Variants in LRRC28 observed in about 807,000 individuals in gnomAD.
LRRC28 encodes the protein leucine rich repeat containing 28.
Under a neutral mutation model 45.7 loss-of-function variants are expected in LRRC28, and 39 were observed. That is an observed-to-expected ratio of 0.85 (90% CI 0.66 to 1.12). The LOEUF (loss-of-function observed/expected upper bound fraction) is 1.12. LRRC28 is among the 50% of genes most tolerant of loss of function. LRRC28 has a pLI of 0.00. For synonymous variants in LRRC28, 206 were observed against 178.8 expected (o/e 1.15, Z -1.22); for missense variants, 435 against 438.5 (o/e 0.99, Z 0.07).
chr15:99,253,105 T>G (rs1445326428), intron 1 of LRRC28, among the ~76,000 whole-genome samples: 2 of 147,960 alleles, frequency 1.4e-5, no homozygotes, highest in South Asian at 2.2e-4. Context: ...CCAGGGGAAT[T>G]ACTTTGGGAT....
At chr15:99,270,933 C>CT (rs1490446044) in intron 2 of LRRC28, among the ~76,000 whole-genome samples, 2 of 152,106 alleles carry the variant, frequency 1.3e-5, no homozygotes, top group Non-Finnish European at 2.9e-5. Context: ...TGTTACTTTT[C>CT]TTTTTTTGTT....
At chr15:99,257,362 G>T (rs940170247) in intron 2 of LRRC28, among the ~76,000 whole-genome samples, 1 of 152,084 alleles carries the variant, frequency 6.6e-6, no homozygotes, top group Non-Finnish European at 1.5e-5. Flanking sequence ...ACGAGAAGTG[G>T]TATAAGAAAT....
intron 3 of LRRC28, among the ~76,000 whole-genome samples, chr15:99,281,054 G>T (rs752355601): frequency 1.3e-5 from 2 of 151,394 alleles, no homozygotes; most frequent in African/African-American, 4.9e-5. Flanking sequence ...AAGGGACAGG[G>T]TCTTGCTCTG....
At chr15:99,276,539 C>T (rs201816227) in intron 2 of LRRC28, 37 bp from the exon 3 acceptor site, 31 of 1,516,756 alleles carry the variant, frequency 2.0e-5, no homozygotes, top group Non-Finnish European at 2.7e-5. Context: ...AGACATTTTT[C>T]AAAAATAAAA....
At chr15:99,253,187 C>G (rs1371319894) in intron 1 of LRRC28, among the ~76,000 whole-genome samples, 1 of 151,608 alleles carries the variant, frequency 6.6e-6, no homozygotes, top group Non-Finnish European at 1.5e-5. Context: ...GTGGTGCGAT[C>G]TCGGTTTACT....
At chr15:99,361,631 C>G (rs1181365844) in intron 8 of LRRC28, 120 bp downstream of exon 8, 1 of 915,576 alleles carries the variant, frequency 1.1e-6, no homozygotes, top group Admixed American at 3.1e-5. Flanking sequence ...ACACATAACA[C>G]GAAAGTAACC....
At chr15:99,258,546 G>C (rs938106950) in intron 2 of LRRC28, 2 of 740,720 alleles carry the variant, frequency 2.7e-6, no homozygotes, top group African/African-American at 1.7e-5. Context: ...TTATGATGAA[G>C]CTGCAGTAGA....
chr15:99,265,168 G>A (rs749890577), intron 2 of LRRC28, among the ~76,000 whole-genome samples: 2 of 152,178 alleles, frequency 1.3e-5, no homozygotes, highest in East Asian at 1.9e-4. Flanking sequence ...CCTTCTGCTC[G>A]TTTAGGGAAC....
chr15:99,350,408 C>T (rs946553534), intron 6 of LRRC28, among the ~76,000 whole-genome samples: 1 of 152,210 alleles, frequency 6.6e-6, no homozygotes, highest in Admixed American at 6.5e-5. Context: ...GGAACTCTTT[C>T]TTACCTTAAC....
chr15:99,273,510 T>C (rs950134308), intron 2 of LRRC28, among the ~76,000 whole-genome samples: 3 of 152,108 alleles, frequency 2.0e-5, no homozygotes, highest in African/African-American at 7.2e-5. Flanking sequence ...GTGCTGAGAT[T>C]ACAGGCGTGA....
At chr15:99,286,445 T>A (rs1244861485) in intron 3 of LRRC28, among the ~76,000 whole-genome samples, 1 of 152,248 alleles carries the variant, frequency 6.6e-6, no homozygotes, top group Non-Finnish European at 1.5e-5. Context: ...AGATTTATTT[T>A]TAAAGTACAA....
intron 5 of LRRC28, among the ~76,000 whole-genome samples, chr15:99,308,841 G>A (rs370048190): frequency 6.6e-6 from 1 of 152,232 alleles, no homozygotes; most frequent in Non-Finnish European, 1.5e-5. Context: ...TCTGCTTAGG[G>A]TCTCAGAAGG....
rs546611345 is a variant in LRRC28 at position 99,291,730 on chromosome 15, C to T, written c.385+3779C>T. ...GAATATAGTTTTGTAATTTTATATC[C>T]AATATTTAAAATTTGCCAGTTAGTT... On this transcript the variant is annotated intron_variant, in intron 5 of 9. Transcript: ENST00000301981. Among the ~76,000 whole-genome samples the T allele has an allele frequency of 8.5e-5, 13 of 152,168 alleles. No individual in the cohort carries two copies. In the South Asian group the frequency reaches 2.7e-3, roughly 32 times the overall value.
rs778685248 is a variant in LRRC28, at chr15:99,287,297, A to AT, written c.247+4dup. Reference sequence around the variant, plus strand: ...TAACATAGTTGTGGTTCCGGAAGGTATGTTTAACTTAAAAATTTTAGTTAG... The same window carrying AT: ...TAACATAGTTGTGGTTCCGGAAGGTATTGTTTAACTTAAAAATTTTAGTTAG... On this transcript the variant is annotated splice_donor_region_variant and intron_variant, in intron 4 of 9. Transcript: ENST00000301981. 1 of 1,553,082 alleles carries AT rather than the reference A, an allele frequency of 6.4e-7. No individual in the cohort carries two copies. Among genetic ancestry groups the AT allele is most frequent in the Non-Finnish European group, 8.7e-7 (1 of 1,152,936 alleles).
At chr15:99,374,438 C>T (rs912495118) in intron 9 of LRRC28, among the ~76,000 whole-genome samples, 6 of 152,122 alleles carry the variant, frequency 3.9e-5, no homozygotes, top group Non-Finnish European at 5.9e-5. Flanking sequence ...TTTCATATTT[C>T]GACTGTATAT....
chr15:99,317,057 A>G (rs1955623199), intron 5 of LRRC28, among the ~76,000 whole-genome samples: 2 of 151,010 alleles, frequency 1.3e-5, no homozygotes, highest in African/African-American at 4.9e-5. Context: ...GCCTAAAGTG[A>G]TAATAGTCAG....
Position 99,334,411 on chromosome 15 carries a change from G to GTGTGTA in LRRC28, c.592+287_592+288insATGTGT, listed in dbSNP as rs1394747436. Among the ~76,000 whole-genome samples, 932 of 150,790 alleles carry GTGTGTA rather than the reference G, an allele frequency of 6.2e-3. 9 individuals carry two copies. The highest frequency in any genetic ancestry group is 0.022 in the African/African-American group (910 of 40,890). On this transcript the variant is annotated intron_variant, in intron 6 of 9. Transcript: ENST00000301981. ...GAGAAAGGAATTAAAGAGTGTGTGTGTGTGTGTGTGTGTGTGTGTGTGTGT... is the reference window on the plus strand; with the variant it reads ...GAGAAAGGAATTAAAGAGTGTGTGTGTGTGTATGTGTGTGTGTGTGTGTGTGTGTGT...
chr15:99,304,335 T>C (rs1180408925), intron 5 of LRRC28, among the ~76,000 whole-genome samples: 1 of 152,250 alleles, frequency 6.6e-6, no homozygotes, highest in African/African-American at 2.4e-5. Context: ...TTTCTCAGTC[T>C]GCGGTTTGTG....
rs537550814 is a variant in LRRC28, at chr15:99,361,185, C to G, written c.696-151C>G. ...TGCTGGGCCAGGTTTTATGAAGGAA[C>G]CCGGGATAGCATCTGTTCACTTTGA... On this transcript the variant is annotated intron_variant, in intron 7 of 9. Transcript: ENST00000301981. 3.2e-6 allele frequency: 3 copies of G among 948,038 alleles called. No individual in the cohort carries two copies. The African/African-American group carries it at 5.0e-5, about 16-fold the overall frequency. 58.7% of individuals were successfully genotyped at this position (948,038 alleles called of 1,614,324 possible).
Sources: allele counts gnomAD v4.1 joint callset (sites outside exome capture counted in the v4.1 genomes callset), GRCh38; gene constraint gnomAD v4.1.1; transcripts MANE v1.5; gene names NCBI Gene and HGNC (gene_info 2026-07-23, HGNC 2026-07-21).